ATP10B: variants seen among roughly 807,000 people sequenced by gnomAD.
ATP10B encodes the protein phospholipid-transporting ATPase VB.
ATP10B carries 122 observed loss-of-function variants against 141.2 expected under a neutral mutation model. The ratio of observed to expected loss-of-function variants is 0.86; its 90% CI spans 0.75 to 1.00. The LOEUF (loss-of-function observed/expected upper bound fraction) is 1.00. ATP10B is among the 50% of genes least tolerant of loss of function. The pLI is 0.00. For synonymous variants in ATP10B, 685 were observed against 692.0 expected, an observed-to-expected ratio of 0.99 and a Z score of 0.16; for missense variants, 1,876 against 1,825.3, an observed-to-expected ratio of 1.03 and a Z score of -0.51.
chr5:160,820,751 C>A (rs1774039294), intron 1 of ATP10B, among the ~76,000 whole-genome samples: 1 of 152,078 alleles, frequency 6.6e-6, no homozygotes, highest in South Asian at 2.1e-4. Flanking sequence ...GCAAATCAAT[C>A]AATGGGATAC....
At chr5:160,765,607 A>G (rs1769343668) in intron 2 of ATP10B, among the ~76,000 whole-genome samples, 1 of 152,176 alleles carries the variant, frequency 6.6e-6, no homozygotes, top group South Asian at 2.1e-4. Flanking sequence ...AACCATAAAA[A>G]TTCTAGAAGA....
At chr5:160,817,603 C>T (rs1398467110) in intron 1 of ATP10B, among the ~76,000 whole-genome samples, 1 of 152,172 alleles carries the variant, frequency 6.6e-6, no homozygotes, top group African/African-American at 2.4e-5. Context: ...TATGCCATCC[C>T]CATCAAGCTA....
intron 13 of ATP10B, among the ~76,000 whole-genome samples, chr5:160,624,340 C>A (rs916720928): frequency 6.6e-6 from 1 of 152,110 alleles, no homozygotes; most frequent in East Asian, 1.9e-4. Context: ...TCAGACATAC[C>A]CCACAAGAAT....
chr5:160,876,664 TAGAATCAAATAGACAC>T, the ATP10B span, among the ~76,000 whole-genome samples: 1 of 151,116 alleles, frequency 6.6e-6, no homozygotes, highest in Non-Finnish European at 1.5e-5. Context: ...AAAAAGAGAG[TAGAATCAAATAGACAC>T]AATAAAAAAT....
At chr5:160,743,721 C>CTTTA (rs1767628448) in intron 2 of ATP10B, among the ~76,000 whole-genome samples, 2 of 152,282 alleles carry the variant, frequency 1.3e-5, no homozygotes, top group South Asian at 4.1e-4. Context: ...TTATCTTTGA[C>CTTTA]TATAAGGGAT....
At chr5:160,721,074 G>C (rs1219246521) in intron 2 of ATP10B, among the ~76,000 whole-genome samples, 3 of 152,114 alleles carry the variant, frequency 2.0e-5, no homozygotes, top group Admixed American at 6.5e-5. Context: ...ATAAAAAGCA[G>C]TTTAAACATG....
chr5:160,851,289 G>A (rs28727578), intron 1 of ATP10B, among the ~76,000 whole-genome samples: 2,976 of 152,200 alleles, frequency 0.02, 100 homozygotes, highest in African/African-American at 0.067. Flanking sequence ...TTAGGGTTAG[G>A]GATAGTGTCA....
At chr5:160,817,128 A>C (rs1561886820) in intron 1 of ATP10B, among the ~76,000 whole-genome samples, 1 of 152,210 alleles carries the variant, frequency 6.6e-6, no homozygotes, top group Non-Finnish European at 1.5e-5. Context: ...CTCCTATTCA[A>C]CATAATGTTG....
intron 22 of ATP10B, among the ~76,000 whole-genome samples, chr5:160,594,921 TA>T (rs1756574393): frequency 6.6e-6 from 1 of 152,172 alleles, no homozygotes; most frequent in African/African-American, 2.4e-5. Context: ...CAAAGAGACT[TA>T]GACTCCCGCA....
intron 22 of ATP10B, among the ~76,000 whole-genome samples, chr5:160,591,851 G>A (rs555981721): frequency 5.9e-5 from 9 of 152,154 alleles, no homozygotes; most frequent in South Asian, 2.1e-4. Flanking sequence ...TGCCCCCTTC[G>A]TCTGGACTGC....
At chr5:160,804,635 T>C (rs369712902) in intron 1 of ATP10B, among the ~76,000 whole-genome samples, 21 of 152,200 alleles carry the variant, frequency 1.4e-4, no homozygotes, top group Non-Finnish European at 3.1e-4. Context: ...AACTACACAT[T>C]TGCAAATTTG....
At chr5:160,803,105 G>A (rs1772504334) in intron 1 of ATP10B, among the ~76,000 whole-genome samples, 1 of 152,118 alleles carries the variant, frequency 6.6e-6, no homozygotes, top group Non-Finnish European at 1.5e-5. Context: ...TTGGCATGGT[G>A]GGCTTGGAAC....
At chr5:160,675,041 G>A (rs1762935571) in intron 6 of ATP10B, among the ~76,000 whole-genome samples, 2 of 152,192 alleles carry the variant, frequency 1.3e-5, no homozygotes, top group Non-Finnish European at 2.9e-5. Flanking sequence ...GTTCAGTCAG[G>A]GGAGGTGATG....
chr5:160,591,200 G>T, intron 22 of ATP10B, 61 bp from the exon 23 acceptor site: 1 of 1,452,282 alleles, frequency 6.9e-7, no homozygotes, highest in Non-Finnish European at 9.5e-7. Context: ...TTCTTTGCAA[G>T]CAACTTTCTT....
chr5:160,601,841 A>G (rs1757114861), intron 21 of ATP10B, among the ~76,000 whole-genome samples: 1 of 152,162 alleles, frequency 6.6e-6, no homozygotes, highest in South Asian at 2.1e-4. Flanking sequence ...TATTTTATTT[A>G]GTATCCTGCC....
intron 17 of ATP10B, among the ~76,000 whole-genome samples, chr5:160,614,798 G>T (rs1299866227): frequency 2.0e-5 from 3 of 152,156 alleles, no homozygotes; most frequent in African/African-American, 7.2e-5. Context: ...GACTCATCCA[G>T]AGAAGCCAAG....
At chr5:160,766,716 C>T (rs962051751) in intron 2 of ATP10B, among the ~76,000 whole-genome samples, 3 of 152,118 alleles carry the variant, frequency 2.0e-5, no homozygotes, top group African/African-American at 7.2e-5. Flanking sequence ...AACCAAATAC[C>T]ACCTGTTCCC....
intron 2 of ATP10B, among the ~76,000 whole-genome samples, chr5:160,782,438 T>TACACACACACACACACACACAC (rs57112303): frequency 7.1e-6 from 1 of 141,078 alleles, no homozygotes; most frequent in Non-Finnish European, 1.5e-5. Context: ...TCTTCCTCCA[T>TACACACACACACACACACACAC]ACACACACAC....
At chr5:160,801,651 A>T (rs781097324) in intron 1 of ATP10B, among the ~76,000 whole-genome samples, 1 of 152,168 alleles carries the variant, frequency 6.6e-6, no homozygotes, top group African/African-American at 2.4e-5. Flanking sequence ...TTCTCCCCCA[A>T]ATCAGGTATC....
Sources: allele counts gnomAD v4.1 joint callset (sites outside exome capture counted in the v4.1 genomes callset), GRCh38; gene constraint gnomAD v4.1.1; transcripts MANE v1.5; gene names NCBI Gene and HGNC (gene_info 2026-07-23, HGNC 2026-07-21).